The following NBPF11 variants were observed in gnomAD, a reference collection of about 807,000 sequenced individuals.
NBPF11 encodes NBPF member 11, also known as NBPF family member NBPF11.
NBPF11 carries 72 observed loss-of-function variants against 93.9 expected under a neutral mutation model. The observed-to-expected ratio is 0.77, with a 90% CI of 0.63 to 0.93. The LOEUF is 0.93. NBPF11 is among the 40% of genes least tolerant of loss of function. NBPF11 has a pLI of 0.00. For missense variants in NBPF11, 705 were observed against 802.2 expected, an observed-to-expected ratio of 0.88 and a Z score of 1.46; for synonymous variants, 224 against 304.9, an observed-to-expected ratio of 0.73 and a Z score of 2.76.
At chr1:148,127,221 G>C in intron 4 of NBPF11, 183 bp from the exon 5 acceptor site, 1 of 272,048 alleles carries the variant, frequency 3.7e-6, no homozygotes, top group South Asian at 2.5e-5. Context: ...CCTCAACTCA[G>C]AGCTGAAAGC....
At chr1:148,138,840 T>G (rs1164709217) in intron 2 of NBPF11, among the ~76,000 whole-genome samples, 1 of 151,942 alleles carries the variant, frequency 6.6e-6, no homozygotes, top group Non-Finnish European at 1.5e-5. Context: ...TCTGTAATCC[T>G]AGCACTTTGA....
chr1:148,132,026 C>T (rs1184954888), intron 4 of NBPF11, among the ~76,000 whole-genome samples: 3 of 131,078 alleles, frequency 2.3e-5, no homozygotes, highest in Non-Finnish European at 3.2e-5. Context: ...GCATCTTTTC[C>T]TATGCTAATT....
In NBPF11 at chr1:148,122,987, G is replaced by C. The variant is rs1390549488; in HGVS notation, c.494-186C>G. ...GTCCATCAGGCAATGCATTTCTGATGTGGAGGGCCACCATCAAGATGTGGC... is the reference window on the plus strand; with the variant it reads ...GTCCATCAGGCAATGCATTTCTGATCTGGAGGGCCACCATCAAGATGTGGC... On this transcript the variant is annotated intron_variant, in intron 7 of 23. Transcript: ENST00000682118. Among the ~76,000 whole-genome samples the C allele has an allele frequency of 1.9e-3, 263 of 137,156 alleles. 2 individuals are homozygous for C. Among genetic ancestry groups the C allele is most frequent in the African/African-American group, 5.0e-3 (201 of 40,388 alleles). 90.0% of individuals were successfully genotyped at this position (137,156 alleles called of 152,430 possible). A position where few individuals can be genotyped will look rare whatever the true frequency, so the allele number is the denominator to read the frequency against.
chr1:148,127,616 A>C (rs1669395463), intron 4 of NBPF11, among the ~76,000 whole-genome samples: 1 of 125,950 alleles, frequency 7.9e-6, no homozygotes, highest in Non-Finnish European at 1.7e-5. Flanking sequence ...AAATGGAATC[A>C]TTTAGTATGT....
rs1162131576 is a variant in NBPF11 at position 148,136,903 on chromosome 1, C to G, written c.-178+808G>C. ...TTAGATGGGATTTTAAGCTTTTGAT[C>G]TGATGTGGTCTACATGACATTTTTC... On this transcript the variant is annotated intron_variant, in intron 3 of 23. Transcript: ENST00000682118. 1.0e-3 allele frequency among the ~76,000 whole-genome samples: 152 copies of G among 152,020 alleles called. 1 individual carries two copies. The highest frequency in any genetic ancestry group is 3.5e-3 in the African/African-American group (143 of 41,312).
chr1:148,136,106 C>T (rs1211079830), intron 3 of NBPF11, among the ~76,000 whole-genome samples: 1 of 151,920 alleles, frequency 6.6e-6, no homozygotes, highest in African/African-American at 2.4e-5. Flanking sequence ...AGCTTTCTCA[C>T]CTTCATACAT....
At chr1:148,105,924 C>T (rs375669463) in intron 21 of NBPF11, among the ~76,000 whole-genome samples, 8 of 141,744 alleles carry the variant, frequency 5.6e-5, no homozygotes, top group African/African-American at 1.7e-4. Flanking sequence ...ATAAAATGTG[C>T]TCAAGTTTCC....
chr1:148,150,390 T>C (rs1206326537), intron 1 of NBPF11, among the ~76,000 whole-genome samples: 1 of 151,014 alleles, frequency 6.6e-6, no homozygotes, highest in African/African-American at 2.5e-5. Context: ...AGGTGTGATC[T>C]ACCACGCCCA....
At chr1:148,127,347 C>G (rs1669335974) in intron 4 of NBPF11, 1 of 97,082 alleles carries the variant, frequency 1.0e-5, no homozygotes, top group Non-Finnish European at 1.7e-5. Context: ...AGGAGCCCTG[C>G]ATTCCAATTG....
At chr1:148,113,375 G>C (rs1471864638) in intron 15 of NBPF11, among the ~76,000 whole-genome samples, 2 of 151,614 alleles carry the variant, frequency 1.3e-5, no homozygotes, top group African/African-American at 4.9e-5. Flanking sequence ...GACAAAGAAG[G>C]CCACTACATA....
intron 2 of NBPF11, among the ~76,000 whole-genome samples, chr1:148,142,034 G>C (rs1288062409): frequency 1.5e-5 from 2 of 135,120 alleles, no homozygotes; most frequent in Non-Finnish European, 3.1e-5. Flanking sequence ...GGAAGGGAGG[G>C]AGGAAGGAAG....
rs1296597253 is a variant in NBPF11, at chr1:148,102,597, G to T, written c.*1299C>A. On this transcript the variant is annotated 3_prime_UTR_variant, in exon 24 of 24. Transcript: ENST00000682118. ...GTGTTCCCGTCAAAAAGTTTAGGCT[G>T]AATTTAATTATGAAGACATTTTCAG... 4 of 150,856 alleles carry T rather than the reference G, an allele frequency of 2.7e-5. 1 individual carries two copies. The highest frequency in any genetic ancestry group is 2.1e-4 in the South Asian group (1 of 4,782). The allele number at this position is 150,856 out of a possible 1,614,324, so 9.3% of individuals were successfully genotyped here.
At chr1:148,104,076 A>G (rs1237346864) in intron 23 of NBPF11, among the ~76,000 whole-genome samples, 164 bp from the exon 24 acceptor site, 2 of 149,936 alleles carry the variant, frequency 1.3e-5, no homozygotes, top group Non-Finnish European at 3.0e-5. Flanking sequence ...GAACAGGGCC[A>G]GGTAGAAAAC....
intron 23 of NBPF11, 30 bp from the exon 24 acceptor site, chr1:148,103,942 G>C (rs1662892429): frequency 6.2e-7 from 1 of 1,610,528 alleles, no homozygotes; most frequent in Admixed American, 1.7e-5. Flanking sequence ...TAAAGAAGCA[G>C]CCAGGGAAAA....
Position 148,141,481 on chromosome 1 carries a change from T to C in NBPF11, c.-277+1934A>G, listed in dbSNP as rs1363035767. Among the ~76,000 whole-genome samples, 1,403 of 152,228 alleles carry C rather than the reference T, an allele frequency of 9.2e-3. 5 individuals carry two copies. The highest frequency in any genetic ancestry group is 0.014 in the Non-Finnish European group (951 of 68,032). ...TTCTAAAAAATAACATCTATTACTTTTTTTTAATTAGGATGCAGCAGCCCC... is the reference window on the plus strand; with the variant it reads ...TTCTAAAAAATAACATCTATTACTTCTTTTTAATTAGGATGCAGCAGCCCC... On this transcript the variant is annotated intron_variant, in intron 2 of 23. Transcript: ENST00000682118.
chr1:148,122,977 C>G, intron 7 of NBPF11, among the ~76,000 whole-genome samples, 176 bp from the exon 8 acceptor site: 1 of 137,332 alleles, frequency 7.3e-6, no homozygotes, highest in Admixed American at 6.9e-5. Flanking sequence ...TCAGGCAATG[C>G]ATTTCTGATG....
intron 4 of NBPF11, among the ~76,000 whole-genome samples, chr1:148,133,382 C>A (rs1670741635): frequency 6.6e-6 from 1 of 152,070 alleles, no homozygotes; most frequent in South Asian, 2.1e-4. Flanking sequence ...AGCAGGTATT[C>A]TACTTTTTTC....
At position 148,108,581 on chromosome 1, in the gene NBPF11, G is replaced by C. The variant is rs1553267852; in HGVS notation, c.1927C>G (p.Pro643Ala). Residue 643 changes from proline to alanine, a missense_variant, in exon 18 of 24, where the codon CCT becomes GCT. Around this residue, in one of 12 missense-constraint regions of NBPF11, gnomAD observed 97 missense variants for 65.0 expected, o/e 1.49. Coordinates refer to ENST00000682118, the MANE Select transcript of NBPF11 (RefSeq NM_001385469.3). ...TCAGTCAGTCCAAGATAAACTGAAG[G>C]AGTTGAATAACATCTATCCAGTGAG... The part of the protein sequence containing the change: ...QDSLDRCYST[P>A]SVYLGLTDSC... 5 of 1,587,514 alleles carry C rather than the reference G, an allele frequency of 3.1e-6. No individual in the cohort carries two copies. The highest frequency in any genetic ancestry group is 4.3e-6 in the Non-Finnish European group (5 of 1,158,572).
At chr1:148,140,953 C>T (rs1346116379) in intron 2 of NBPF11, among the ~76,000 whole-genome samples, 8 of 151,944 alleles carry the variant, frequency 5.3e-5, no homozygotes, top group Admixed American at 4.6e-4. Context: ...TGTAGCCATA[C>T]AATGAAATCT....
Sources: gnomAD v4.1 joint callset for allele counts (sites outside exome capture counted in the v4.1 genomes callset) on GRCh38, gnomAD v4.1.1 for gene constraint, gnomAD v4.1.1 regional missense constraint, MANE v1.5 for transcripts, NCBI Gene and HGNC (gene_info 2026-07-23, HGNC 2026-07-21) for gene names.